AEBP2: variants seen among roughly 807,000 people sequenced by gnomAD.
AEBP2 encodes AE binding protein 2.
AEBP2 carries 10 observed loss-of-function variants against 50.8 expected under a neutral mutation model. The observed-to-expected ratio is 0.20, with a 90% CI of 0.12 to 0.33. The LOEUF (loss-of-function observed/expected upper bound fraction) is 0.33, where lower values mean the gene tolerates loss of function less well. Ranked by LOEUF, AEBP2 falls within the 10% of genes least tolerant of loss-of-function variation. AEBP2 has a pLI of 1.00. For missense variants in AEBP2, 570 were observed against 688.0 expected, an observed-to-expected ratio of 0.83 and a Z score of 1.92; for synonymous variants, 296 against 261.3, an observed-to-expected ratio of 1.13 and a Z score of -1.28.
At chr12:19,442,993 A>C (rs1215052220) in intron 1 of AEBP2, among the ~76,000 whole-genome samples, 4 of 152,298 alleles carry the variant, frequency 2.6e-5, no homozygotes, top group African/African-American at 9.6e-5. Context: ...TATTACAAAG[A>C]TTCTATTATA....
At chr12:19,517,858 A>T (rs749552487) in intron 7 of AEBP2, among the ~76,000 whole-genome samples, 8 of 152,220 alleles carry the variant, frequency 5.3e-5, no homozygotes, top group Non-Finnish European at 1.0e-4. Flanking sequence ...TTACACATGG[A>T]ATTCTTTCTT....
At chr12:19,458,222 T>G (rs1256805397) in intron 1 of AEBP2, among the ~76,000 whole-genome samples, 1 of 152,224 alleles carries the variant, frequency 6.6e-6, no homozygotes, top group African/African-American at 2.4e-5. Flanking sequence ...TTGCATCAGG[T>G]CTGTTGCCTT....
Position 19,519,407 on chromosome 12 carries a change from A to C in AEBP2, c.*1290A>C, listed in dbSNP as rs1056382665. ...CTTTCACAGACTTAAGGGACTATGT[A>C]CTACTGTTAATATCTCTAAGAACAA... On this transcript the variant is annotated 3_prime_UTR_variant, in exon 8 of 8. Transcript: ENST00000266508. 1.3e-5 allele frequency: 2 copies of C among 152,578 alleles called. No individual in the cohort carries two copies. Among genetic ancestry groups the C allele is most frequent in the African/African-American group, 2.4e-5 (1 of 41,452 alleles). 9.5% of individuals were successfully genotyped at this position (152,578 alleles called of 1,614,324 possible).
intron 1 of AEBP2, among the ~76,000 whole-genome samples, chr12:19,423,760 GA>G (rs2095747062): frequency 6.6e-6 from 1 of 152,146 alleles, no homozygotes; most frequent in Non-Finnish European, 1.5e-5. Context: ...AGAATTGCTT[GA>G]ACCCCCGAGA....
chr12:19,405,524 C>G (rs1233711329), intron 1 of AEBP2, among the ~76,000 whole-genome samples: 1 of 151,886 alleles, frequency 6.6e-6, no homozygotes, highest in South Asian at 2.1e-4. Flanking sequence ...CAGGGTTTCA[C>G]CATGTTGGTC....
chr12:19,508,900 C>A, intron 5 of AEBP2: 1 of 297,214 alleles, frequency 3.4e-6, no homozygotes, highest in Non-Finnish European at 6.6e-6. Flanking sequence ...TGCAGGCACT[C>A]AGAATGGTCC....
chr12:19,498,021 A>C (rs1949013601), intron 4 of AEBP2, among the ~76,000 whole-genome samples: 1 of 152,234 alleles, frequency 6.6e-6, no homozygotes, highest in Non-Finnish European at 1.5e-5. Context: ...TTCTTGATAA[A>C]TGCAGTGGAG....
chr12:19,446,199 G>A (rs1288984558), intron 1 of AEBP2: 1 of 152,172 alleles, frequency 6.6e-6, no homozygotes, highest in Non-Finnish European at 1.5e-5. Context: ...AAGACCCATT[G>A]CGCCCCATTT....
intron 1 of AEBP2, chr12:19,440,758 C>T: frequency 6.5e-7 from 1 of 1,533,540 alleles, no homozygotes; most frequent in South Asian, 1.2e-5. Context: ...TTCGGGAACA[C>T]TTGTCAGAAC....
rs369410408 is a variant in AEBP2 at position 19,479,717 on chromosome 12, G to GTTTTTTTTTTTTTTTTTT, written c.987+6376_987+6393dup. Among the ~76,000 whole-genome samples the GTTTTTTTTTTTTTTTTTT allele has an allele frequency of 4.5e-3, 101 of 22,348 alleles. 7 individuals are homozygous for GTTTTTTTTTTTTTTTTTT. Among genetic ancestry groups the GTTTTTTTTTTTTTTTTTT allele is most frequent in the Non-Finnish European group, 5.2e-3 (57 of 11,050 alleles). The allele number at this position is 22,348 out of a possible 152,430, so 14.7% of individuals were successfully genotyped here. A position where few individuals can be genotyped will look rare whatever the true frequency, so the allele number is the denominator to read the frequency against. On this transcript the variant is annotated intron_variant, in intron 3 of 7. Transcript: ENST00000266508. ...ATTATTTAATGTCACCTCTTTGTGG[G>GTTTTTTTTTTTTTTTTTT]TTTTTTTTTTTTTTTTTTTTTTTTT...
intron 5 of AEBP2, among the ~76,000 whole-genome samples, chr12:19,504,380 G>GC (rs55796210): frequency 0.099 from 14,818 of 149,370 alleles, 1,190 homozygotes; most frequent in African/African-American, 0.21. Context: ...GAATACAGGC[G>GC]CCCCCCCCAC....
chr12:19,473,229 G>A lies in AEBP2; in HGVS notation c.880-19G>A. ...GAGATAAGTCATGAAAATTAATATG[G>A]TTCTGTTTTTCTTAACAGGTATTTG... On this transcript the variant is annotated intron_variant, in intron 2 of 7. Coordinates refer to ENST00000266508, the MANE Select transcript of AEBP2 (RefSeq NM_153207.5). The A allele has an allele frequency of 1.6e-6, 2 of 1,254,878 alleles. No homozygotes were observed. Among genetic ancestry groups the A allele is most frequent in the South Asian group, 1.7e-5 (1 of 58,338 alleles). 77.7% of individuals were successfully genotyped at this position (1,254,878 alleles called of 1,614,324 possible). A position where few individuals can be genotyped will look rare whatever the true frequency, so the allele number is the denominator to read the frequency against.
At chr12:19,434,975 A>G (rs1480577096), upstream of AEBP2, among the ~76,000 whole-genome samples, 1 of 152,076 alleles carries the variant, frequency 6.6e-6, no homozygotes, top group African/African-American at 2.4e-5. Context: ...TCTAATCTCC[A>G]TTCACTTTTG....
At chr12:19,510,865 CTTT>C (rs58870259) in intron 5 of AEBP2, among the ~76,000 whole-genome samples, 106 of 89,034 alleles carry the variant, frequency 1.2e-3, no homozygotes, top group Admixed American at 2.0e-3. Flanking sequence ...AAGGTAGTGA[CTTT>C]TTTTTTTTTT....
Position 19,518,844 on chromosome 12 carries a change from A to G in AEBP2, c.*727A>G, listed in dbSNP as rs982664019. 7 of 648,356 alleles carry G rather than the reference A, an allele frequency of 1.1e-5. No homozygotes were observed. Among genetic ancestry groups the G allele is most frequent in the Non-Finnish European group, 1.4e-5 (6 of 428,458 alleles). 40.2% of individuals were successfully genotyped at this position (648,356 alleles called of 1,614,324 possible). A position where few individuals can be genotyped will look rare whatever the true frequency, so the allele number is the denominator to read the frequency against. ...CTAGGGCTTTCTCATGGAGTACAGT[A>G]TGTTAATATTTACCTATATAACTAA... On this transcript the variant is annotated 3_prime_UTR_variant, in exon 8 of 8. Coordinates refer to ENST00000266508, the MANE Select transcript of AEBP2 (RefSeq NM_153207.5).
chr12:19,477,532 C>G (rs1369621052), intron 3 of AEBP2, among the ~76,000 whole-genome samples: 1 of 152,082 alleles, frequency 6.6e-6, no homozygotes, highest in African/African-American at 2.4e-5. Context: ...TATGCTTTTT[C>G]TGCATCTATT....
At chr12:19,436,491 T>C (rs1947862811), upstream of AEBP2, among the ~76,000 whole-genome samples, 1 of 152,202 alleles carries the variant, frequency 6.6e-6, no homozygotes, top group Non-Finnish European at 1.5e-5. Flanking sequence ...CCCCAAATTC[T>C]TTCTTGTGTG....
intron 1 of AEBP2, among the ~76,000 whole-genome samples, chr12:19,412,551 T>C (rs2095739861): frequency 6.6e-6 from 1 of 152,062 alleles, no homozygotes; most frequent in African/African-American, 2.4e-5. Context: ...GTGCTGGGAT[T>C]ACAGGTGTGA....
intron 7 of AEBP2, among the ~76,000 whole-genome samples, chr12:19,515,881 C>T (rs960437168): frequency 6.6e-6 from 1 of 152,104 alleles, no homozygotes; most frequent in African/African-American, 2.4e-5. Flanking sequence ...GGGCAGGTCG[C>T]TGAAGTCTAG....
Sources: allele counts gnomAD v4.1 joint callset (sites outside exome capture counted in the v4.1 genomes callset), GRCh38; gene constraint gnomAD v4.1.1; transcripts MANE v1.5; gene names NCBI Gene and HGNC (gene_info 2026-07-23, HGNC 2026-07-21).